The following MORC2 variants were observed in gnomAD, a reference collection of about 807,000 sequenced individuals.
MORC2 encodes the protein MORC family CW-type zinc finger 2.
Under a neutral mutation model 136.0 loss-of-function variants are expected in MORC2, and 30 were observed. The observed-to-expected ratio is 0.22, with a 90% CI of 0.17 to 0.30. The LOEUF (loss-of-function observed/expected upper bound fraction) is 0.30. Among genes scored for constraint, MORC2 ranks in the 10% least tolerant of loss-of-function variants. MORC2 has a pLI of 1.00. For missense variants in MORC2, 922 were observed against 1,333.1 expected, an observed-to-expected ratio of 0.69 and a Z score of 4.80; for synonymous variants, 439 against 487.0, an observed-to-expected ratio of 0.90 and a Z score of 1.30.
At position 30,936,936 on chromosome 22, in the gene MORC2, C is replaced by A; in HGVS notation, c.1600G>T (p.Asp534Tyr). Residue 534 changes from aspartate to tyrosine, a missense_variant, in exon 16 of 26, where the codon GAC becomes TAC. Transcript: ENST00000397641. The stretch of plus-strand genomic sequence containing the variant: ...CTTGTTAGACAATGTGCTCACCGGT[C>A]CTGTTCAGGATCAGGGTTCATGGAG... ...VCSMNPDPEQDRCEASEQKQK... is the reference protein window; with the variant it reads ...VCSMNPDPEQYRCEASEQKQK... 1 of 1,612,932 alleles carries A rather than the reference C, an allele frequency of 6.2e-7. No individual in the cohort carries two copies. The highest frequency in any genetic ancestry group is 1.1e-5 in the South Asian group (1 of 91,032).
At chr22:30,928,528 G>A (rs1036895905) in intron 24 of MORC2, among the ~76,000 whole-genome samples, 1 of 152,148 alleles carries the variant, frequency 6.6e-6, no homozygotes, top group African/African-American at 2.4e-5. Flanking sequence ...TGACAGAATC[G>A]CTCTTCCATG....
chr22:30,966,250 A>C (rs1002259535), intron 1 of MORC2, among the ~76,000 whole-genome samples: 4 of 152,230 alleles, frequency 2.6e-5, no homozygotes, highest in Non-Finnish European at 2.9e-5. Context: ...TTCCAGACTT[A>C]CCATCATTCC....
Position 30,936,653 on chromosome 22 carries a change from C to CA in MORC2, c.1605-11dup. 6.2e-7 allele frequency: 1 copy of CA among 1,613,274 alleles called. No individual in the cohort carries two copies. The highest frequency in any genetic ancestry group is 8.5e-7 in the Non-Finnish European group (1 of 1,179,860). On this transcript the variant is annotated splice_polypyrimidine_tract_variant and intron_variant, in intron 16 of 25. Transcript: ENST00000397641. Reference sequence around the variant, plus strand: ...TTCAGAAGCCTCACACCTGTAGAGACAAGGTACTACAGAGGTCGTGGCAAA... The same window carrying CA: ...TTCAGAAGCCTCACACCTGTAGAGACAAAGGTACTACAGAGGTCGTGGCAAA...
chr22:30,959,025 T>C (rs1192373018), intron 1 of MORC2: 2 of 196,590 alleles, frequency 1.0e-5, no homozygotes, highest in Non-Finnish European at 2.1e-5. Flanking sequence ...CTGTATATTT[T>C]ATTTTTCATT....
At chr22:30,942,088 G>C in intron 7 of MORC2, 24 bp downstream of exon 7, 1 of 1,612,098 alleles carries the variant, frequency 6.2e-7, no homozygotes, top group Non-Finnish European at 8.5e-7. Context: ...GATTCTAGGG[G>C]CTACAGGCTC....
chr22:30,941,444 C>G lies in MORC2; in HGVS notation c.813G>C (p.Leu271=). The G allele has an allele frequency of 2.5e-6, 4 of 1,613,868 alleles. No individual in the cohort carries two copies. Among genetic ancestry groups the G allele is most frequent in the Non-Finnish European group, 2.5e-6 (3 of 1,179,944 alleles). The part of the protein sequence containing the change: ...KVQTKRLSCC[L]YKPRMYKYTS... The stretch of plus-strand genomic sequence containing the variant: ...GCACTGGCCCCTACCTGGGCTTGTA[C>G]AGGCAGCAGGAGAGCCTCTTGGTCT... The change falls in exon 9 of 26, where the codon CTG becomes CTC. Residue 271 remains leucine (L), a synonymous_variant. Transcript: ENST00000397641. This position sits in a 1 kb window ranked among gnomAD's most constrained non-coding sequence, Gnocchi z 4.6.
At position 30,940,717 on chromosome 22, in the gene MORC2, G is replaced by C. The variant is rs373434393; in HGVS notation, c.904+41C>G. 3.2e-4 allele frequency: 510 copies of C among 1,578,256 alleles called. 2 individuals are homozygous for C. Among genetic ancestry groups the C allele is most frequent in the Non-Finnish European group, 6.4e-5 (73 of 1,147,546 alleles). ...CTTTGCCCACAAGCAGCATACCCCA[G>C]ATGCACACCCCCCCAACTCCTGCAC... On this transcript the variant is annotated intron_variant, in intron 10 of 25. Transcript: ENST00000397641.
intron 3 of MORC2, among the ~76,000 whole-genome samples, chr22:30,955,942 G>A (rs1487738076): frequency 6.6e-6 from 1 of 151,162 alleles, no homozygotes; most frequent in African/African-American, 2.4e-5. Flanking sequence ...GGGAGATGGA[G>A]GTTGCAGTGA....
intron 25 of MORC2, 129 bp downstream of exon 25, chr22:30,927,890 G>A (rs543579513): frequency 3.0e-5 from 35 of 1,149,054 alleles, no homozygotes; most frequent in Middle Eastern, 3.0e-4. Context: ...CCAGGGTGCT[G>A]TGCAGCCAGG....
In MORC2 at chr22:30,934,026, G is replaced by C; in HGVS notation, c.2325+34C>G. 6.2e-7 allele frequency: 1 copy of C among 1,613,174 alleles called. No individual in the cohort carries two copies. Among genetic ancestry groups the C allele is most frequent in the Non-Finnish European group, 8.5e-7 (1 of 1,179,486 alleles). On this transcript the variant is annotated intron_variant, in intron 20 of 25. Transcript: ENST00000397641. This position sits in a 1 kb window ranked among gnomAD's most constrained non-coding sequence, Gnocchi z 4.4. Reference sequence around the variant, plus strand: ...TGGTGGGGGCTGCAGGCCCTAGAGAGAGAGGCTTTGAGAACCTCACCTCAA... The same window carrying C: ...TGGTGGGGGCTGCAGGCCCTAGAGACAGAGGCTTTGAGAACCTCACCTCAA...
intron 1 of MORC2, among the ~76,000 whole-genome samples, chr22:30,960,847 T>TTTG (rs1204747900): frequency 4.6e-5 from 7 of 151,042 alleles, no homozygotes; most frequent in East Asian, 3.9e-4. Context: ...ACAGCCATAT[T>TTTG]TTGTTGTTGT....
At chr22:30,948,327 T>C (rs1602498230) in intron 5 of MORC2, among the ~76,000 whole-genome samples, 1 of 152,194 alleles carries the variant, frequency 6.6e-6, no homozygotes, top group Admixed American at 6.5e-5. Flanking sequence ...TTCCCCTGAT[T>C]CTAGGAGACT....
At chr22:30,929,839 G>A (rs1405947195) in intron 24 of MORC2, 1 of 152,084 alleles carries the variant, frequency 6.6e-6, no homozygotes, top group African/African-American at 2.4e-5. Flanking sequence ...ATACCTCCTT[G>A]TACAAAAAGA....
intron 25 of MORC2, among the ~76,000 whole-genome samples, chr22:30,927,276 T>A (rs1022338235): frequency 1.3e-5 from 2 of 151,938 alleles, no homozygotes; most frequent in African/African-American, 4.8e-5. Flanking sequence ...ACCAAGCAGG[T>A]ACATGTCTGA....
At chr22:30,933,628 G>T in intron 20 of MORC2, 108 bp from the exon 21 acceptor site, 1 of 1,122,820 alleles carries the variant, frequency 8.9e-7, no homozygotes, top group Non-Finnish European at 1.3e-6. Context: ...GACTTCCTGT[G>T]CTACAGTTTA....
chr22:30,952,714 A>C (rs2040909268), intron 3 of MORC2, among the ~76,000 whole-genome samples: 1 of 152,214 alleles, frequency 6.6e-6, no homozygotes, highest in Non-Finnish European at 1.5e-5. Flanking sequence ...TGCTTATGCC[A>C]ATCACTTGTT....
In MORC2 at chr22:30,937,893, C is replaced by T. The variant is rs966144186; in HGVS notation, c.1291G>A (p.Ala431Thr). ...LEPTHNKQDF[A>T]DAKEYRHLLR... ...AGGTGCCGGTACTCCTTGGCATCAG[C>T]AAAGTCCTGTTTGTTGTGTGTAGGC... Residue 431 changes from alanine (A) to threonine (T), a missense_variant, in exon 14 of 26, where the codon GCT becomes ACT. Physicochemically the swap from Ala to Thr is moderately conservative, Grantham distance 58. Around this residue, in one of 9 missense-constraint regions of MORC2, gnomAD observed 16 missense variants for 75.6 expected, o/e 0.21. Coordinates refer to ENST00000397641, the MANE Select transcript of MORC2 (RefSeq NM_001303256.3). The surrounding 1 kb of genome is among the most constrained non-coding windows in gnomAD (Gnocchi z 4.7). 6.2e-7 allele frequency: 1 copy of T among 1,614,116 alleles called. No individual in the cohort carries two copies. Among genetic ancestry groups the T allele is most frequent in the Non-Finnish European group, 8.5e-7 (1 of 1,180,026 alleles).
At chr22:30,955,084 G>A (rs1333705072) in intron 3 of MORC2, among the ~76,000 whole-genome samples, 8 of 149,994 alleles carry the variant, frequency 5.3e-5, no homozygotes, top group South Asian at 2.1e-4. Flanking sequence ...TCAGCCTCCC[G>A]AGTAGCTGGG....
intron 3 of MORC2, among the ~76,000 whole-genome samples, chr22:30,953,647 G>A (rs1272532118): frequency 2.0e-5 from 3 of 152,160 alleles, no homozygotes; most frequent in South Asian, 2.1e-4. Context: ...AATTTTCCAT[G>A]TGTTAATCAT....
Sources: gnomAD v4.1 joint callset for allele counts (sites outside exome capture counted in the v4.1 genomes callset) on GRCh38, gnomAD v4.1.1 for gene constraint, gnomAD v4.1.1 regional missense constraint, Gnocchi (gnomAD v3.1) non-coding constraint, MANE v1.5 for transcripts, NCBI Gene and HGNC (gene_info 2026-07-23, HGNC 2026-07-21) for gene names.